Variants in WDR17 observed in about 807,000 individuals in gnomAD.
The protein encoded by WDR17 is WD repeat-containing protein 17.
Under a neutral mutation model 161.7 loss-of-function variants are expected in WDR17, and 143 were observed. The observed-to-expected ratio is 0.88, with a 90% CI of 0.77 to 1.02. The LOEUF (loss-of-function observed/expected upper bound fraction) is 1.02. Among genes scored for constraint, WDR17 ranks in the 50% least tolerant of loss-of-function variants. The pLI, the probability that WDR17 is intolerant of heterozygous loss-of-function variation, is 0.00. For synonymous variants in WDR17, 517 were observed against 515.6 expected, an observed-to-expected ratio of 1.00 and a Z score of -0.04; for missense variants, 1,469 against 1,520.9, an observed-to-expected ratio of 0.97 and a Z score of 0.57.
chr4:176,162,038 T>C, intron 20 of WDR17, 37 bp from the exon 21 acceptor site: 1 of 1,519,800 alleles, frequency 6.6e-7, no homozygotes, highest in South Asian at 1.2e-5. Context: ...AATGGAATAC[T>C]TGTGTTTATA....
Position 176,091,342 on chromosome 4 carries a change from A to C in WDR17, c.-6-20233A>C, listed in dbSNP as rs112954808. Among the ~76,000 whole-genome samples the C allele has an allele frequency of 6.2e-3, 948 of 152,298 alleles. 14 individuals are homozygous for C. Among genetic ancestry groups the C allele is most frequent in the African/African-American group, 0.021 (886 of 41,566 alleles). ...TAAAACTAGAAATTAGTAACAAGAG[A>C]AACTTTGGAAACTATACAAACACAT... is the stretch of plus-strand genomic sequence containing the variant. On this transcript the variant is annotated intron_variant, in intron 1 of 28. Coordinates refer to ENST00000508596, the MANE Select transcript of WDR17 (RefSeq NM_181265.4).
At chr4:176,078,802 G>A (rs1734382197) in intron 1 of WDR17, among the ~76,000 whole-genome samples, 1 of 151,736 alleles carries the variant, frequency 6.6e-6, no homozygotes. Context: ...ACATATTTAT[G>A]ATACATGCAA....
At chr4:176,170,540 C>T (rs1015471687) in intron 23 of WDR17, among the ~76,000 whole-genome samples, 3 of 152,040 alleles carry the variant, frequency 2.0e-5, no homozygotes, top group African/African-American at 7.2e-5. Context: ...GTCTCAAACT[C>T]CTGACCTCAG....
chr4:176,111,035 ATTT>A (rs1358875257), intron 1 of WDR17, among the ~76,000 whole-genome samples: 18 of 152,174 alleles, frequency 1.2e-4, no homozygotes, highest in Non-Finnish European at 2.6e-4. Context: ...CCTCAAATAG[ATTT>A]TGTGAGGATG....
intron 3 of WDR17, 104 bp downstream of exon 3, chr4:176,116,083 C>G: frequency 8.8e-7 from 1 of 1,142,682 alleles, no homozygotes; most frequent in Non-Finnish European, 1.2e-6. Context: ...TTTCAAACTT[C>G]TTAATGGTAA....
At chr4:176,171,456 T>C (rs1750725274) in intron 23 of WDR17, among the ~76,000 whole-genome samples, 1 of 152,090 alleles carries the variant, frequency 6.6e-6, no homozygotes, top group Admixed American at 6.5e-5. Flanking sequence ...ATATCAAACG[T>C]TATATATATG....
chr4:176,175,133 G>T (rs1441744704), intron 26 of WDR17, among the ~76,000 whole-genome samples: 1 of 152,174 alleles, frequency 6.6e-6, no homozygotes, highest in East Asian at 1.9e-4. Context: ...TAGGAAAGAG[G>T]TAAGAGTGAA....
At chr4:176,147,384 A>T (rs1406430786) in intron 12 of WDR17, among the ~76,000 whole-genome samples, 3 of 152,180 alleles carry the variant, frequency 2.0e-5, no homozygotes, top group African/African-American at 7.2e-5. Context: ...AATTTCAGTA[A>T]CATTTGTACA....
intron 7 of WDR17, among the ~76,000 whole-genome samples, chr4:176,133,149 C>A (rs189920487): frequency 5.4e-5 from 8 of 147,072 alleles, no homozygotes; most frequent in African/African-American, 2.0e-4. Context: ...GCCATATATA[C>A]CATTCGAAGA....
chr4:176,066,541 G>A (rs1419249148), intron 1 of WDR17, among the ~76,000 whole-genome samples: 1 of 152,062 alleles, frequency 6.6e-6, no homozygotes, highest in East Asian at 1.9e-4. Flanking sequence ...AGACGGTATT[G>A]GATATAAGGC....
At position 176,125,086 on chromosome 4, in the gene WDR17, ATC is replaced by A; in HGVS notation, c.539-14_539-13del. On this transcript the variant is annotated splice_polypyrimidine_tract_variant and intron_variant, in intron 4 of 28. Transcript: ENST00000508596. ...TTCTGCAAGTTTTTTGGAAATAATT[ATC>A]TCTGTATTTTAACAGGTAATAAAAA... The A allele has an allele frequency of 6.2e-7, 1 of 1,609,492 alleles. No individual in the cohort carries two copies. The highest frequency in any genetic ancestry group is 8.5e-7 in the Non-Finnish European group (1 of 1,177,806).
intron 23 of WDR17, among the ~76,000 whole-genome samples, chr4:176,169,502 A>G (rs2126875340): frequency 8.4e-6 from 1 of 119,172 alleles, no homozygotes; most frequent in South Asian, 2.8e-4. Flanking sequence ...TTTGAAAATA[A>G]ATGTGAATGT....
chr4:176,087,228 C>T (rs28437452), intron 1 of WDR17, among the ~76,000 whole-genome samples: 2,542 of 151,868 alleles, frequency 0.017, 65 homozygotes, highest in African/African-American at 0.057. Flanking sequence ...TAGAATGGGT[C>T]TACTAGCAAT....
chr4:176,108,682 G>A (rs918461747), intron 1 of WDR17, among the ~76,000 whole-genome samples: 4 of 151,640 alleles, frequency 2.6e-5, no homozygotes, highest in Admixed American at 2.6e-4. Context: ...GGCTATGAGG[G>A]GTATATGGGA....
At chr4:176,111,849 G>T (rs571273382) in intron 2 of WDR17, 146 bp downstream of exon 2, 1 of 790,444 alleles carries the variant, frequency 1.3e-6, no homozygotes, top group Non-Finnish European at 1.7e-6. Flanking sequence ...GATTTATACC[G>T]TATAGGTTTT....
intron 1 of WDR17, among the ~76,000 whole-genome samples, chr4:176,074,381 A>T (rs1469513237): frequency 3.5e-5 from 1 of 28,784 alleles, no homozygotes; most frequent in Admixed American, 2.4e-4. Flanking sequence ...ATATATATAA[A>T]ACTCAAGATA....
At chr4:176,088,047 T>A (rs1419777109) in intron 1 of WDR17, among the ~76,000 whole-genome samples, 3 of 152,148 alleles carry the variant, frequency 2.0e-5, no homozygotes, top group Admixed American at 6.6e-5. Flanking sequence ...TTTCACCATG[T>A]TGGCCAATCT....
intron 4 of WDR17, among the ~76,000 whole-genome samples, chr4:176,122,465 T>G (rs1326970852): frequency 2.0e-5 from 3 of 152,324 alleles, no homozygotes; most frequent in East Asian, 3.9e-4. Flanking sequence ...TATTTAGCAA[T>G]TAATGTGCAC....
chr4:176,089,494 A>G (rs1735839946), intron 1 of WDR17, among the ~76,000 whole-genome samples: 1 of 152,138 alleles, frequency 6.6e-6, no homozygotes, highest in South Asian at 2.1e-4. Context: ...CTATACCCCT[A>G]AACCCCTTTC....
Sources: allele counts gnomAD v4.1 joint callset (sites outside exome capture counted in the v4.1 genomes callset), GRCh38; gene constraint gnomAD v4.1.1; transcripts MANE v1.5; gene names NCBI Gene and HGNC (gene_info 2026-07-23, HGNC 2026-07-21).